Variants in SUN1 observed in about 807,000 individuals in gnomAD.
The protein encoded by SUN1 is SUN domain-containing protein 1.
A neutral mutation model predicts 103.2 loss-of-function variants in SUN1; 61 were observed. The ratio of observed to expected loss-of-function variants is 0.59; its 90% CI spans 0.48 to 0.73. The LOEUF (loss-of-function observed/expected upper bound fraction) is 0.73. Among genes scored for constraint, SUN1 ranks in the 30% least tolerant of loss-of-function variants. The pLI, the probability that SUN1 is intolerant of heterozygous loss-of-function variation, is 0.00. For synonymous variants in SUN1, 490 were observed against 425.7 expected (o/e 1.15, Z -1.86); for missense variants, 1,052 against 1,034.6 (o/e 1.02, Z -0.23).
intron 2 of SUN1, among the ~76,000 whole-genome samples, chr7:841,304 C>T (rs1045559258): frequency 7.1e-6 from 1 of 140,840 alleles, no homozygotes; most frequent in African/African-American, 2.7e-5. Flanking sequence ...AGTGCAGTGG[C>T]GTGATCTCAG....
intron 7 of SUN1, chr7:852,259 A>AG: frequency 1.6e-6 from 1 of 614,856 alleles, no homozygotes; most frequent in South Asian, 2.0e-5. Flanking sequence ...TGCAGAGGTG[A>AG]GGCAGCTGGG....
chr7:841,925 G>C (rs1244906755), intron 2 of SUN1, 21 bp from the exon 3 acceptor site: 1 of 1,611,842 alleles, frequency 6.2e-7, no homozygotes, highest in Admixed American at 1.7e-5. Context: ...CTATAAACTT[G>C]CTGTTTTTTT....
At chr7:870,652 T>C (rs1291669552) in intron 17 of SUN1, among the ~76,000 whole-genome samples, 1 of 151,734 alleles carries the variant, frequency 6.6e-6, no homozygotes, top group African/African-American at 2.4e-5. Flanking sequence ...GTACACTCTT[T>C]GTGGCCATCC....
At chr7:852,069 G>C (rs766724523) in intron 7 of SUN1, 26 bp downstream of exon 7, 8 of 1,609,786 alleles carry the variant, frequency 5.0e-6, no homozygotes, top group Non-Finnish European at 6.8e-6. Flanking sequence ...TCATGTCAGC[G>C]TGGTGCTTTA....
chr7:852,612 C>G lies in SUN1; in HGVS notation c.855C>G (p.Cys285Trp). 2 of 1,614,208 alleles carry G rather than the reference C, an allele frequency of 1.2e-6. No individual in the cohort carries two copies. Among genetic ancestry groups the G allele is most frequent in the Non-Finnish European group, 1.7e-6 (2 of 1,180,036 alleles). ...SWLNVFLLTR[C>W]LRNICKFLVL... is the part of the protein sequence containing the mutation. ...AGGTTTTCATTGTTACTCCCAGGTG[C>G]CTTCGAAACATCTGCAAGTTTTTAG... The change falls in exon 8 of 19, where the codon TGC (cysteine) becomes TGG (tryptophan). Residue 285 changes from cysteine (C) to tryptophan (W), a missense_variant. By Grantham distance (215) the Cys-to-Trp change is radical (BLOSUM62 -2). Coordinates refer to ENST00000401592, the MANE Select transcript of SUN1 (RefSeq NM_001130965.3).
intron 15 of SUN1, among the ~76,000 whole-genome samples, chr7:864,554 CAAAA>C (rs551547626): frequency 7.8e-3 from 746 of 95,192 alleles, no homozygotes; most frequent in Non-Finnish European, 0.012. Flanking sequence ...AACTTTATCT[CAAAA>C]AAAAAAAAAA....
rs966909903 is a variant in SUN1, at chr7:872,578, G to A, written c.2241+16G>A. 6.4e-6 allele frequency: 10 copies of A among 1,559,870 alleles called. No homozygotes were observed. The highest frequency in any genetic ancestry group is 7.0e-6 in the Non-Finnish European group (8 of 1,149,664). ...CCAGGCCCTGGTAAGAACTGGGACT[G>A]GCACTGCCTGGGGTCTCTGAGTCCC... On this transcript the variant is annotated intron_variant, in intron 18 of 18. Coordinates refer to ENST00000401592, the MANE Select transcript of SUN1 (RefSeq NM_001130965.3).
upstream of SUN1, among the ~76,000 whole-genome samples, chr7:828,435 C>T (rs1212686341): frequency 6.6e-6 from 1 of 151,950 alleles, no homozygotes; most frequent in Non-Finnish European, 1.5e-5. Context: ...CCACACCCAG[C>T]TAATTTTTAT....
At chr7:839,928 A>G (rs181420217) in intron 2 of SUN1, among the ~76,000 whole-genome samples, 2 of 152,210 alleles carry the variant, frequency 1.3e-5, no homozygotes, top group African/African-American at 4.8e-5. Flanking sequence ...TTATTTACCT[A>G]TATTTGCGTT....
chr7:850,484 A>AG, intron 5 of SUN1: 1 of 157,238 alleles, frequency 6.4e-6, no homozygotes, highest in Middle Eastern at 3.4e-3. Context: ...TCTTAAAAAA[A>AG]AAGTTAGTTT....
intron 1 of SUN1, among the ~76,000 whole-genome samples, chr7:821,689 C>T (rs1049998748): frequency 3.9e-5 from 6 of 152,132 alleles, no homozygotes; most frequent in Admixed American, 6.5e-5. Context: ...AGCGTTCAAC[C>T]CTTGCCCTTA....
intron 11 of SUN1, 121 bp downstream of exon 11, chr7:855,127 T>C: frequency 3.9e-6 from 3 of 777,180 alleles, no homozygotes; most frequent in Non-Finnish European, 6.1e-6. Flanking sequence ...TTGTTTTGTG[T>C]AAAATGGAAA....
chr7:851,418 A>AGCTGTGGGCCAG lies in SUN1; in HGVS notation c.700_711dup (p.Gly234_Val237dup). 1 of 1,609,796 alleles carries AGCTGTGGGCCAG rather than the reference A, an allele frequency of 6.2e-7. No individual in the cohort carries two copies. Among genetic ancestry groups the AGCTGTGGGCCAG allele is most frequent in the Non-Finnish European group, 8.5e-7 (1 of 1,178,156 alleles). On this transcript the variant is annotated inframe_insertion, in exon 6 of 19. Transcript: ENST00000401592. ...TGCTGCAGATTCTGCGCAGGATCGG[A>AGCTGTGGGCCAG]GCTGTGGGCCAGGCTGTGTCCAGGA...
intron 5 of SUN1, chr7:849,615 T>C (rs1819906444): frequency 6.7e-7 from 1 of 1,492,516 alleles, no homozygotes; most frequent in Non-Finnish European, 9.1e-7. Flanking sequence ...TAAGTATGGC[T>C]TCGTTTTCCT....
intron 1 of SUN1, among the ~76,000 whole-genome samples, chr7:826,770 G>A (rs934017770): frequency 7.9e-5 from 12 of 152,196 alleles, no homozygotes; most frequent in Non-Finnish European, 5.9e-5. Flanking sequence ...AGTGACCAAC[G>A]CTGGGGCACA....
At chr7:823,111 A>G (rs1787926524) in intron 1 of SUN1, among the ~76,000 whole-genome samples, 1 of 152,240 alleles carries the variant, frequency 6.6e-6, no homozygotes, top group Non-Finnish European at 1.5e-5. Context: ...CTTAGTGGCA[A>G]AGCGAGCAGG....
intron 1 of SUN1, among the ~76,000 whole-genome samples, chr7:824,096 C>CACCT (rs1789034214): frequency 6.6e-6 from 1 of 152,190 alleles, no homozygotes; most frequent in African/African-American, 2.4e-5. Context: ...TGGCCAAAGT[C>CACCT]ACCTGGGTGA....
At chr7:828,356 C>G (rs968405014), upstream of SUN1, among the ~76,000 whole-genome samples, 31 of 151,738 alleles carry the variant, frequency 2.0e-4, no homozygotes, top group African/African-American at 6.3e-4. Context: ...ACTGCAACCT[C>G]CATCTCCTGG....
intron 5 of SUN1, chr7:848,369 A>C (rs775421238): frequency 1.5e-6 from 2 of 1,322,304 alleles, no homozygotes; most frequent in South Asian, 1.2e-5. Context: ...CAGGAAGTAG[A>C]TATTGGCTTT....
Sources: allele counts gnomAD v4.1 joint callset (sites outside exome capture counted in the v4.1 genomes callset), GRCh38; gene constraint gnomAD v4.1.1; transcripts MANE v1.5; gene names NCBI Gene and HGNC (gene_info 2026-07-23, HGNC 2026-07-21).